Variants in KIRREL3 observed in about 807,000 individuals in gnomAD.
The protein encoded by KIRREL3 is kin of IRRE-like protein 3.
Under a neutral mutation model 89.7 loss-of-function variants are expected in KIRREL3, and 36 were observed. The ratio of observed to expected loss-of-function variants is 0.40; its 90% CI spans 0.31 to 0.53. The LOEUF (loss-of-function observed/expected upper bound fraction) is 0.53, where lower values mean the gene tolerates loss of function less well. Among genes scored for constraint, KIRREL3 ranks in the 20% least tolerant of loss-of-function variants. KIRREL3 has a pLI of 0.49. For missense variants in KIRREL3, 864 were observed against 1,056.6 expected (o/e 0.82, Z 2.53); for synonymous variants, 445 against 441.4 (o/e 1.01, Z -0.10).
chr11:126,958,052 G>C (rs925669345), intron 1 of KIRREL3, among the ~76,000 whole-genome samples: 7 of 152,162 alleles, frequency 4.6e-5, no homozygotes, highest in Non-Finnish European at 7.4e-5. Flanking sequence ...CAGGTGGATC[G>C]AAATTGTAGC....
chr11:126,822,489 T>TCA (rs1555048104), intron 1 of KIRREL3, among the ~76,000 whole-genome samples: 6 of 152,042 alleles, frequency 3.9e-5, no homozygotes, highest in African/African-American at 1.4e-4. Context: ...TAATAGGAAT[T>TCA]TATGTTTCCT....
At chr11:126,799,584 T>C (rs2134389243) in intron 1 of KIRREL3, among the ~76,000 whole-genome samples, 1 of 152,216 alleles carries the variant, frequency 6.6e-6, no homozygotes, top group South Asian at 2.1e-4. Context: ...TCCTAGGAAC[T>C]TGAGCCCGTG....
chr11:126,499,753 G>A (rs990508951), intron 4 of KIRREL3, among the ~76,000 whole-genome samples: 3 of 152,190 alleles, frequency 2.0e-5, no homozygotes, highest in African/African-American at 4.8e-5. Flanking sequence ...GGGAGAGTTC[G>A]GTAGTTACTG....
chr11:126,975,267 A>G (rs1414936180), intron 1 of KIRREL3, among the ~76,000 whole-genome samples: 1 of 152,176 alleles, frequency 6.6e-6, no homozygotes, highest in Non-Finnish European at 1.5e-5. Context: ...CTTCCAATTC[A>G]GCAAACCCCT....
rs1947506358 is a variant in KIRREL3 at position 126,705,789 on chromosome 11, C to T, written c.56-142877G>A. Among the ~76,000 whole-genome samples, 1 of 152,310 alleles carries T rather than the reference C, an allele frequency of 6.6e-6. No individual in the cohort carries two copies. Among genetic ancestry groups the T allele is most frequent in the South Asian group, 2.1e-4 (1 of 4,828 alleles). The stretch of plus-strand genomic sequence containing the variant: ...CCAGAAAGAGGTGGAGGCTACCTCT[C>T]CTATTTTAGAACTGCCATGGCACTG... On this transcript the variant is annotated intron_variant, in intron 1 of 16. Coordinates refer to ENST00000525144, the MANE Select transcript of KIRREL3 (RefSeq NM_032531.4). The surrounding 1 kb of genome is among the most constrained non-coding windows in gnomAD (Gnocchi z 4.3).
chr11:126,783,165 C>T lies in KIRREL3; in HGVS notation c.55+217290G>A, dbSNP rs1415753501. 6.6e-6 allele frequency among the ~76,000 whole-genome samples: 1 copy of T among 152,194 alleles called. No homozygotes were observed. The highest frequency in any genetic ancestry group is 2.4e-5 in the African/African-American group (1 of 41,452). ...CTGCAGAGCCATGCTTCCCCTGAAACCTGGAGGAGAGAATCCTTCCTTGCA... is the reference window on the plus strand; with the variant it reads ...CTGCAGAGCCATGCTTCCCCTGAAATCTGGAGGAGAGAATCCTTCCTTGCA... On this transcript the variant is annotated intron_variant, in intron 1 of 16. Coordinates refer to ENST00000525144, the MANE Select transcript of KIRREL3 (RefSeq NM_032531.4). This position sits in a 1 kb window ranked among gnomAD's most constrained non-coding sequence, Gnocchi z 4.3.
chr11:126,495,236 G>A lies in KIRREL3; in HGVS notation c.434-21770C>T, dbSNP rs928780102. Reference sequence around the variant, plus strand: ...AAACTGGCTCTTCCTTGCCTTTCAGGAACTCCCAGTGGCTTTCCCTTGTTT... The same window carrying A: ...AAACTGGCTCTTCCTTGCCTTTCAGAAACTCCCAGTGGCTTTCCCTTGTTT... On this transcript the variant is annotated intron_variant, in intron 4 of 16. Coordinates refer to ENST00000525144, the MANE Select transcript of KIRREL3 (RefSeq NM_032531.4). This position sits in a 1 kb window ranked among gnomAD's most constrained non-coding sequence, Gnocchi z 6.5. 5.3e-5 allele frequency among the ~76,000 whole-genome samples: 8 copies of A among 152,128 alleles called. No individual in the cohort carries two copies. Among genetic ancestry groups the A allele is most frequent in the African/African-American group, 1.7e-4 (7 of 41,416 alleles).
At position 126,685,858 on chromosome 11, in the gene KIRREL3, G is replaced by T. The variant is rs1301577267; in HGVS notation, c.56-122946C>A. ...GGCAGATGGCCGACCCACTGGATCGGGGCCACTGGAGACTTTTTCCCTCAT... is the reference window on the plus strand; with the variant it reads ...GGCAGATGGCCGACCCACTGGATCGTGGCCACTGGAGACTTTTTCCCTCAT... On this transcript the variant is annotated intron_variant, in intron 1 of 16. Coordinates refer to ENST00000525144, the MANE Select transcript of KIRREL3 (RefSeq NM_032531.4). The surrounding 1 kb of genome is among the most constrained non-coding windows in gnomAD (Gnocchi z 5.5). Among the ~76,000 whole-genome samples, 1 of 152,180 alleles carries T rather than the reference G, an allele frequency of 6.6e-6. No individual in the cohort carries two copies. Among genetic ancestry groups the T allele is most frequent in the African/African-American group, 2.4e-5 (1 of 41,442 alleles).
chr11:126,747,609 G>A lies in KIRREL3; in HGVS notation c.56-184697C>T, dbSNP rs551625097. 1.6e-4 allele frequency among the ~76,000 whole-genome samples: 25 copies of A among 151,992 alleles called. No individual in the cohort carries two copies. The highest frequency in any genetic ancestry group is 3.4e-4 in the Non-Finnish European group (23 of 68,022). On this transcript the variant is annotated intron_variant, in intron 1 of 16. Coordinates refer to ENST00000525144, the MANE Select transcript of KIRREL3 (RefSeq NM_032531.4). This position sits in a 1 kb window ranked among gnomAD's most constrained non-coding sequence, Gnocchi z 4.7. Reference sequence around the variant, plus strand: ...AAAAGGCACTGTATATCCCTCTTTCGTGGTATTAGGAACCTGGTATAACTG... The same window carrying A: ...AAAAGGCACTGTATATCCCTCTTTCATGGTATTAGGAACCTGGTATAACTG...
intron 7 of KIRREL3, among the ~76,000 whole-genome samples, chr11:126,453,892 C>G (rs765473797): frequency 1.1e-4 from 17 of 152,176 alleles, no homozygotes; most frequent in Non-Finnish European, 2.2e-4. Context: ...CTGCCCCTCC[C>G]AGCTCCTGCT....
intron 1 of KIRREL3, among the ~76,000 whole-genome samples, chr11:126,930,972 T>C (rs531087157): frequency 3.9e-5 from 6 of 152,220 alleles, no homozygotes; most frequent in Non-Finnish European, 8.8e-5. Context: ...TTTTTCTGCA[T>C]GCTTTCACAT....
chr11:126,655,733 G>A lies in KIRREL3; in HGVS notation c.56-92821C>T, dbSNP rs2134989840. Among the ~76,000 whole-genome samples, 1 of 152,258 alleles carries A rather than the reference G, an allele frequency of 6.6e-6. No individual in the cohort carries two copies. Among genetic ancestry groups the A allele is most frequent in the South Asian group, 2.1e-4 (1 of 4,814 alleles). On this transcript the variant is annotated intron_variant, in intron 1 of 16. Transcript: ENST00000525144. The surrounding 1 kb of genome is among the most constrained non-coding windows in gnomAD (Gnocchi z 5.0). Reference sequence around the variant, plus strand: ...CTGCAGATTTAGGGGGACAGTCCTGGTGGCTTGGTCTTAGGCTTGTCTTGG... The same window carrying A: ...CTGCAGATTTAGGGGGACAGTCCTGATGGCTTGGTCTTAGGCTTGTCTTGG...
Position 126,534,660 on chromosome 11 carries a change from C to T in KIRREL3, c.134-7973G>A, listed in dbSNP as rs945794624. Among the ~76,000 whole-genome samples, 66 of 152,312 alleles carry T rather than the reference C, an allele frequency of 4.3e-4. 1 individual carries two copies. The highest frequency in any genetic ancestry group is 1.3e-3 in the African/African-American group (56 of 41,576). On this transcript the variant is annotated intron_variant, in intron 2 of 16. Coordinates refer to ENST00000525144, the MANE Select transcript of KIRREL3 (RefSeq NM_032531.4). Reference sequence around the variant, plus strand: ...CGAGAGAGCACTGCGCCATCTGTCCCGGGGGCCCTTTAGACCACTGGGTAA... The same window carrying T: ...CGAGAGAGCACTGCGCCATCTGTCCTGGGGGCCCTTTAGACCACTGGGTAA...
At chr11:126,938,213 C>T (rs953379779) in intron 1 of KIRREL3, among the ~76,000 whole-genome samples, 3 of 152,212 alleles carry the variant, frequency 2.0e-5, no homozygotes, top group Admixed American at 6.5e-5. Context: ...AACTCTGCAA[C>T]CCATCAAACC....
In KIRREL3 at chr11:126,768,307, C is replaced by G. The variant is rs2134289826; in HGVS notation, c.56-205395G>C. ...CCATCCATCCATCCATCCATCCAATCTGTCCATCTGTCCATCCATACTGCA... is the reference window on the plus strand; with the variant it reads ...CCATCCATCCATCCATCCATCCAATGTGTCCATCTGTCCATCCATACTGCA... On this transcript the variant is annotated intron_variant, in intron 1 of 16. Transcript: ENST00000525144. This position sits in a 1 kb window ranked among gnomAD's most constrained non-coding sequence, Gnocchi z 4.5. Among the ~76,000 whole-genome samples the G allele has an allele frequency of 6.6e-6, 1 of 152,164 alleles. No individual in the cohort carries two copies. Among genetic ancestry groups the G allele is most frequent in the Non-Finnish European group, 1.5e-5 (1 of 67,992 alleles).
At chr11:126,473,815 C>T (rs751930403) in intron 4 of KIRREL3, among the ~76,000 whole-genome samples, 5 of 152,018 alleles carry the variant, frequency 3.3e-5, no homozygotes, top group African/African-American at 9.7e-5. Flanking sequence ...TTCCTTTTTT[C>T]GAGATGAAGT....
At chr11:126,499,642 G>T (rs188006233) in intron 4 of KIRREL3, among the ~76,000 whole-genome samples, 70 of 152,352 alleles carry the variant, frequency 4.6e-4, no homozygotes, top group Non-Finnish European at 8.2e-4. Context: ...TCACGTTAGG[G>T]AGTGGGGGCA....
chr11:126,786,707 C>T (rs76299230), intron 1 of KIRREL3, among the ~76,000 whole-genome samples: 104 of 152,330 alleles, frequency 6.8e-4, no homozygotes, highest in East Asian at 1.4e-3. Context: ...ATGCTGCTCA[C>T]AGCCTGGCAG....
chr11:126,898,148 C>T lies in KIRREL3; in HGVS notation c.55+102307G>A, dbSNP rs923168050. ...TGGTTCCAGTCTCTGATGCCACAGTCGCCTATCTCGTGGACAGGTGGAAGT... is the reference window on the plus strand; with the variant it reads ...TGGTTCCAGTCTCTGATGCCACAGTTGCCTATCTCGTGGACAGGTGGAAGT... On this transcript the variant is annotated intron_variant, in intron 1 of 16. Coordinates refer to ENST00000525144, the MANE Select transcript of KIRREL3 (RefSeq NM_032531.4). This position sits in a 1 kb window ranked among gnomAD's most constrained non-coding sequence, Gnocchi z 4.9. Among the ~76,000 whole-genome samples, 14 of 152,078 alleles carry T rather than the reference C, an allele frequency of 9.2e-5. No individual in the cohort carries two copies. The highest frequency in any genetic ancestry group is 1.9e-4 in the African/African-American group (8 of 41,410).
Sources: allele counts gnomAD v4.1 joint callset (sites outside exome capture counted in the v4.1 genomes callset), GRCh38; gene constraint gnomAD v4.1.1; non-coding constraint Gnocchi (gnomAD v3.1); transcripts MANE v1.5; gene names NCBI Gene and HGNC (gene_info 2026-07-23, HGNC 2026-07-21).